The following FABP12 variants were observed in gnomAD, a reference collection of about 807,000 sequenced individuals.
FABP12 encodes fatty acid binding protein 12.
Under a neutral mutation model 13.7 loss-of-function variants are expected in FABP12, and 19 were observed. The ratio of observed to expected loss-of-function variants is 1.39; its 90% confidence interval spans 0.97 to 2.04. The LOEUF is 2.04. FABP12 is among the 30% of genes most tolerant of loss of function. The pLI, the probability that FABP12 is intolerant of heterozygous loss-of-function variation, is 0.00. For missense variants in FABP12, 182 were observed against 164.2 expected, an observed-to-expected ratio of 1.11 and a Z score of -0.59; for synonymous variants, 61 against 57.0, an observed-to-expected ratio of 1.07 and a Z score of -0.32.
chr8:81,581,097 G>A (rs568824745), intron 1 of FABP12, among the ~76,000 whole-genome samples: 3 of 152,232 alleles, frequency 2.0e-5, no homozygotes, highest in South Asian at 4.1e-4. Context: ...TCAACAGGAC[G>A]GGGAAAAGAT....
chr8:81,572,647 T>C (rs1379213542), intron 1 of FABP12, among the ~76,000 whole-genome samples: 2 of 152,130 alleles, frequency 1.3e-5, no homozygotes, highest in Non-Finnish European at 2.9e-5. Flanking sequence ...TTATGGCCAT[T>C]ATTGCAGGTT....
chr8:81,568,666 G>A (rs569212620), intron 1 of FABP12, among the ~76,000 whole-genome samples: 3 of 151,786 alleles, frequency 2.0e-5, no homozygotes, highest in Admixed American at 6.5e-5. Context: ...TATATCAGAC[G>A]TATCTACACT....
At chr8:81,557,695 A>G (rs992252736) in intron 1 of FABP12, among the ~76,000 whole-genome samples, 1 of 152,228 alleles carries the variant, frequency 6.6e-6, no homozygotes, top group Admixed American at 6.5e-5. Flanking sequence ...TGAGTTAAAC[A>G]TGTTAACGTT....
chr8:81,534,371 C>A (rs981806859), upstream of FABP12, among the ~76,000 whole-genome samples: 2 of 152,164 alleles, frequency 1.3e-5, no homozygotes, highest in Admixed American at 6.5e-5. Flanking sequence ...AAGAGTCCCA[C>A]AAGAATTTTG....
chr8:81,584,904 T>C (rs753884342), intron 1 of FABP12, among the ~76,000 whole-genome samples: 7 of 152,210 alleles, frequency 4.6e-5, no homozygotes, highest in Non-Finnish European at 1.5e-5. Flanking sequence ...GTTAGTGGTG[T>C]TGAGCACCTT....
intron 1 of FABP12, among the ~76,000 whole-genome samples, chr8:81,542,626 T>C (rs543980817): frequency 6.6e-5 from 10 of 152,322 alleles, no homozygotes; most frequent in African/African-American, 2.4e-4. Context: ...AGGTCATGGA[T>C]AACCAATATG....
At chr8:81,550,644 AT>A (rs1334698576) in intron 1 of FABP12, among the ~76,000 whole-genome samples, 2 of 152,120 alleles carry the variant, frequency 1.3e-5, no homozygotes, top group Non-Finnish European at 2.9e-5. Context: ...TAAGGAAGGA[AT>A]TTTTTAAAAA....
intron 1 of FABP12, among the ~76,000 whole-genome samples, chr8:81,561,368 T>G (rs544924823): frequency 1.8e-4 from 27 of 152,274 alleles, no homozygotes; most frequent in Admixed American, 1.6e-3. Flanking sequence ...TTTTTTCTCT[T>G]CTAGTACTGT....
At chr8:81,562,763 G>C (rs1241240130) in intron 1 of FABP12, among the ~76,000 whole-genome samples, 1 of 152,080 alleles carries the variant, frequency 6.6e-6, no homozygotes, top group Non-Finnish European at 1.5e-5. Context: ...TAGAATAGAG[G>C]ACCACATAGA....
intron 1 of FABP12, among the ~76,000 whole-genome samples, chr8:81,550,708 A>G (rs1490902986): frequency 6.6e-6 from 1 of 152,216 alleles, no homozygotes; most frequent in Non-Finnish European, 1.5e-5. Context: ...AAAGGCACAT[A>G]TAGAAATGAC....
At chr8:81,527,286 C>T (rs11992576) in intron 3 of FABP12, among the ~76,000 whole-genome samples, 165 bp from the exon 4 acceptor site, 1 of 152,038 alleles carries the variant, frequency 6.6e-6, no homozygotes, top group African/African-American at 2.4e-5. Flanking sequence ...AAAATTGTTG[C>T]CTAATTCTGC....
intron 1 of FABP12, among the ~76,000 whole-genome samples, chr8:81,583,214 G>T (rs1810194013): frequency 6.6e-6 from 1 of 151,986 alleles, no homozygotes; most frequent in African/African-American, 2.4e-5. Context: ...TGACAAGAGG[G>T]AAGTTTATAA....
intron 3 of FABP12, 76 bp from the exon 4 acceptor site, chr8:81,527,197 T>C: frequency 2.5e-6 from 2 of 788,644 alleles, no homozygotes; most frequent in South Asian, 3.4e-5. Flanking sequence ...CAGCAAATTC[T>C]TTTTAGCTGT....
upstream of FABP12, among the ~76,000 whole-genome samples, chr8:81,536,340 A>G (rs952097955): frequency 6.6e-6 from 1 of 152,248 alleles, no homozygotes; most frequent in Admixed American, 6.5e-5. Context: ...ATATTTATTC[A>G]TAACAGAAGT....
At chr8:81,582,118 A>ATTTT (rs34960860) in intron 1 of FABP12, among the ~76,000 whole-genome samples, 1,266 of 96,624 alleles carry the variant, frequency 0.013, 30 homozygotes, top group Non-Finnish European at 0.016. Flanking sequence ...GCTAACTGGA[A>ATTTT]TTTTTTTTTT....
chr8:81,545,481 G>C (rs1439783991), intron 1 of FABP12, among the ~76,000 whole-genome samples: 1 of 152,218 alleles, frequency 6.6e-6, no homozygotes, highest in African/African-American at 2.4e-5. Flanking sequence ...TCCAGTGAAA[G>C]AGCTGGAATT....
intron 1 of FABP12, among the ~76,000 whole-genome samples, chr8:81,574,136 G>A (rs1403120217): frequency 2.6e-5 from 4 of 151,700 alleles, no homozygotes; most frequent in Admixed American, 1.3e-4. Context: ...CTTCTATGCC[G>A]ATTTTGCTGA....
chr8:81,556,828 A>C (rs1247987572), intron 1 of FABP12, among the ~76,000 whole-genome samples: 2 of 147,262 alleles, frequency 1.4e-5, no homozygotes, highest in Non-Finnish European at 3.0e-5. Flanking sequence ...GAACTTACTC[A>C]CTCAAAAAAT....
intron 2 of FABP12, among the ~76,000 whole-genome samples, chr8:81,539,171 GTTTAT>G (rs2129980993): frequency 6.6e-6 from 1 of 152,036 alleles, no homozygotes; most frequent in South Asian, 2.1e-4. Context: ...TAAATAAAAA[GTTTAT>G]TTTATTATGT....
Sources: gnomAD v4.1 joint callset for allele counts (sites outside exome capture counted in the v4.1 genomes callset) on GRCh38, gnomAD v4.1.1 for gene constraint, MANE v1.5 for transcripts, NCBI Gene and HGNC (gene_info 2026-07-23, HGNC 2026-07-21) for gene names.